The following LRRC49 variants were observed in gnomAD, a reference collection of about 807,000 sequenced individuals.
LRRC49 encodes the protein leucine-rich repeat-containing protein 49.
A neutral mutation model predicts 83.3 loss-of-function variants in LRRC49; 50 were observed. The observed-to-expected ratio is 0.60, with a 90% CI of 0.48 to 0.76. The LOEUF (loss-of-function observed/expected upper bound fraction) is 0.76. LRRC49 is among the 30% of genes least tolerant of loss of function. The pLI is 0.00. For missense variants in LRRC49, 704 were observed against 809.1 expected (o/e 0.87, Z 1.58); for synonymous variants, 286 against 283.3 (o/e 1.01, Z -0.10).
chr15:70,876,903 A>G (rs1280577130), intron 2 of LRRC49, among the ~76,000 whole-genome samples: 1 of 152,164 alleles, frequency 6.6e-6, no homozygotes, highest in Non-Finnish European at 1.5e-5. Flanking sequence ...TCAGTGCCCA[A>G]AGGTTAAAGG....
At chr15:70,912,879 A>G (rs1010155179) in intron 6 of LRRC49, among the ~76,000 whole-genome samples, 8 of 152,020 alleles carry the variant, frequency 5.3e-5, no homozygotes, top group South Asian at 2.1e-4. Context: ...GGGTTTCACC[A>G]TGTTAGCCAG....
chr15:71,037,119 A>T, intron 14 of LRRC49, 60 bp from the exon 15 acceptor site: 2 of 1,175,178 alleles, frequency 1.7e-6, no homozygotes, highest in Non-Finnish European at 2.5e-6. Flanking sequence ...AACAAAAAAT[A>T]GACATGTTTT....
chr15:70,859,360 G>A (rs960518374), intron 1 of LRRC49: 19 of 771,774 alleles, frequency 2.5e-5, no homozygotes, highest in Non-Finnish European at 4.6e-5. Flanking sequence ...GCCTGGAAGG[G>A]CTGACTGACG....
intron 1 of LRRC49, among the ~76,000 whole-genome samples, chr15:70,855,467 A>C (rs750042389): frequency 2.8e-4 from 43 of 152,226 alleles, no homozygotes; most frequent in Admixed American, 2.6e-4. Flanking sequence ...AATTTGCCAC[A>C]CTGGGACCCC....
chr15:71,030,301 C>A (rs2039309658), intron 14 of LRRC49, among the ~76,000 whole-genome samples: 1 of 152,254 alleles, frequency 6.6e-6, no homozygotes, highest in East Asian at 1.9e-4. Flanking sequence ...ATATGAAATT[C>A]TGGGTTGAAA....
chr15:71,012,836 G>C lies in LRRC49; in HGVS notation c.1626G>C (p.Arg542Ser). ...VTQNDMIMAERLFGILAHVAS... is the reference protein window; with the variant it reads ...VTQNDMIMAESLFGILAHVAS... ...AGAATGATATGATAATGGCTGAAAG[G>C]CTCTTTGGAATCCTAGCACATGTAG... The change falls in exon 14 of 16, where the codon AGG (arginine) becomes AGC (serine). Residue 542 changes from arginine (R) to serine (S), a missense_variant. By Grantham distance (110) the Arg-to-Ser change is moderately radical. Coordinates refer to ENST00000260382, the MANE Select transcript of LRRC49 (RefSeq NM_017691.5). 6.2e-7 allele frequency: 1 copy of C among 1,612,840 alleles called. No homozygotes were observed. The highest frequency in any genetic ancestry group is 8.5e-7 in the Non-Finnish European group (1 of 1,179,240).
chr15:70,957,601 G>C (rs1030851405), intron 8 of LRRC49, among the ~76,000 whole-genome samples: 1 of 151,818 alleles, frequency 6.6e-6, no homozygotes, highest in Non-Finnish European at 1.5e-5. Context: ...TTAGGTGTTG[G>C]GGCAGTGGTC....
intron 11 of LRRC49, among the ~76,000 whole-genome samples, chr15:70,996,166 T>C (rs1157427093): frequency 1.3e-5 from 2 of 152,080 alleles, no homozygotes; most frequent in African/African-American, 2.4e-5. Flanking sequence ...TATATGAAGG[T>C]AGAAAAATAA....
chr15:70,859,250 G>A (rs1239650240), intron 1 of LRRC49: 3 of 1,015,734 alleles, frequency 3.0e-6, no homozygotes, highest in African/African-American at 3.2e-5. Flanking sequence ...GAACAAATAT[G>A]AGGATGAGAT....
chr15:71,013,752 G>C (rs138002201), intron 14 of LRRC49, among the ~76,000 whole-genome samples: 34 of 152,294 alleles, frequency 2.2e-4, no homozygotes, highest in Admixed American at 3.9e-4. Flanking sequence ...ATTTGAAAGC[G>C]TTGAGGAAGC....
At chr15:70,912,913 G>A (rs186149916) in intron 6 of LRRC49, among the ~76,000 whole-genome samples, 89 of 152,136 alleles carry the variant, frequency 5.9e-4, no homozygotes, top group African/African-American at 2.0e-3. Context: ...TCCTGACCTC[G>A]TGATCCACCT....
At chr15:70,991,165 A>G (rs912051140) in intron 11 of LRRC49, among the ~76,000 whole-genome samples, 4 of 152,176 alleles carry the variant, frequency 2.6e-5, no homozygotes, top group Admixed American at 6.5e-5. Context: ...CTTTTCTTCT[A>G]TGATACATTT....
At chr15:70,917,904 C>A (rs570882847) in intron 6 of LRRC49, among the ~76,000 whole-genome samples, 1 of 152,344 alleles carries the variant, frequency 6.6e-6, no homozygotes, top group South Asian at 2.1e-4. Context: ...TGAGACATGC[C>A]CCTTGCTCGC....
chr15:71,047,572 C>T (rs910097265), intron 15 of LRRC49, among the ~76,000 whole-genome samples: 1 of 152,076 alleles, frequency 6.6e-6, no homozygotes, highest in African/African-American at 2.4e-5. Flanking sequence ...AATTTGAGAG[C>T]CTTTTGGCAG....
intron 1 of LRRC49, among the ~76,000 whole-genome samples, chr15:70,870,597 T>C (rs557412617): frequency 6.6e-6 from 1 of 152,328 alleles, no homozygotes; most frequent in East Asian, 1.9e-4. Context: ...TTCAAGCGAT[T>C]CTCCTGCCTC....
chr15:70,994,272 C>G (rs1178935216), intron 11 of LRRC49, among the ~76,000 whole-genome samples: 3 of 152,074 alleles, frequency 2.0e-5, no homozygotes, highest in African/African-American at 7.2e-5. Flanking sequence ...CCATCTTTAT[C>G]TCATGTTAAG....
At chr15:71,002,370 C>T (rs920896442) in intron 11 of LRRC49, among the ~76,000 whole-genome samples, 9 of 151,956 alleles carry the variant, frequency 5.9e-5, no homozygotes, top group African/African-American at 2.2e-4. Context: ...ATTATAGACA[C>T]AAAAAGGGAA....
chr15:70,875,461 C>T (rs1051593018), intron 2 of LRRC49, among the ~76,000 whole-genome samples: 2 of 151,970 alleles, frequency 1.3e-5, no homozygotes, highest in Non-Finnish European at 2.9e-5. Flanking sequence ...AACCTATGAT[C>T]GAGGAACTAA....
intron 7 of LRRC49, among the ~76,000 whole-genome samples, chr15:70,932,650 T>A (rs561300051): frequency 1.4e-4 from 22 of 152,070 alleles, no homozygotes; most frequent in African/African-American, 5.1e-4. Flanking sequence ...TAAAAATAGC[T>A]CCAGTGATAG....
Sources: allele counts gnomAD v4.1 joint callset (sites outside exome capture counted in the v4.1 genomes callset), GRCh38; gene constraint gnomAD v4.1.1; transcripts MANE v1.5; gene names NCBI Gene and HGNC (gene_info 2026-07-23, HGNC 2026-07-21).